Variants in SUSD6 observed in about 807,000 individuals in gnomAD.
SUSD6 encodes the protein sushi domain containing 6.
Under a neutral mutation model 28.4 loss-of-function variants are expected in SUSD6, and 16 were observed. The observed-to-expected ratio is 0.56, with a 90% CI of 0.38 to 0.86. The LOEUF (loss-of-function observed/expected upper bound fraction) is 0.86, where lower values mean the gene tolerates loss of function less well. SUSD6 is among the 40% of genes least tolerant of loss of function. SUSD6 has a pLI of 0.00. For missense variants in SUSD6, 341 were observed against 384.2 expected, an observed-to-expected ratio of 0.89 and a Z score of 0.94; for synonymous variants, 147 against 159.6, an observed-to-expected ratio of 0.92 and a Z score of 0.59.
At chr14:69,688,358 T>C (rs1203838924) in intron 2 of SUSD6, among the ~76,000 whole-genome samples, 8 of 152,232 alleles carry the variant, frequency 5.3e-5, no homozygotes, top group African/African-American at 2.4e-5. Flanking sequence ...TAGGCAGTTA[T>C]AGAGCATGAG....
At position 69,708,681 on chromosome 14, in the gene SUSD6, G is replaced by T; in HGVS notation, c.463G>T (p.Asp155Tyr). ...TCTTTTCCTCCTCCACTCCAGGCGT[G>T]ACCAGGGGGTATCTGGGGACCAGGT... Reference protein sequence around the residue: ...KLKSFHHSRRDQGVSGDQVSI... With the variant: ...KLKSFHHSRRYQGVSGDQVSI... The change falls in exon 5 of 6, where the codon GAC (aspartate) becomes TAC (tyrosine). Residue 155 changes from aspartate to tyrosine, a missense_variant. Coordinates refer to ENST00000342745, the MANE Select transcript of SUSD6 (RefSeq NM_014734.4). 1.3e-6 allele frequency: 2 copies of T among 1,570,064 alleles called. No homozygotes were observed. The highest frequency in any genetic ancestry group is 2.4e-5 in the South Asian group (2 of 84,876).
At chr14:69,689,119 A>G (rs1304109333) in intron 2 of SUSD6, among the ~76,000 whole-genome samples, 1 of 152,118 alleles carries the variant, frequency 6.6e-6, no homozygotes, top group African/African-American at 2.4e-5. Context: ...TCCCGTACTC[A>G]TGATCCTACT....
intron 1 of SUSD6, among the ~76,000 whole-genome samples, chr14:69,612,823 C>T (rs1206986013): frequency 6.6e-6 from 1 of 152,188 alleles, no homozygotes; most frequent in African/African-American, 2.4e-5. Context: ...GGATTTACTC[C>T]CTTTTTTGAT....
At chr14:69,639,333 A>AAAAAG (rs1885315054) in intron 1 of SUSD6, among the ~76,000 whole-genome samples, 1 of 151,276 alleles carries the variant, frequency 6.6e-6, no homozygotes, top group South Asian at 2.1e-4. Context: ...AAAAAAAAAA[A>AAAAAG]AAAAAAGAAA....
At chr14:69,690,806 C>T (rs146485709) in intron 2 of SUSD6, among the ~76,000 whole-genome samples, 2 of 152,280 alleles carry the variant, frequency 1.3e-5, no homozygotes, top group African/African-American at 4.8e-5. Context: ...TGGTAACTTC[C>T]GCTCCACCTG....
chr14:69,623,794 T>A (rs1885075941), intron 1 of SUSD6, among the ~76,000 whole-genome samples: 1 of 152,172 alleles, frequency 6.6e-6, no homozygotes, highest in African/African-American at 2.4e-5. Flanking sequence ...AAAGATTTTT[T>A]AAAATAGAAA....
intron 5 of SUSD6, among the ~76,000 whole-genome samples, chr14:69,709,963 G>A (rs1212948743): frequency 6.6e-6 from 1 of 152,158 alleles, no homozygotes. Flanking sequence ...GGGTATCCTG[G>A]GCATAGTAAA....
intron 2 of SUSD6, among the ~76,000 whole-genome samples, chr14:69,671,469 C>T (rs909862130): frequency 1.3e-5 from 2 of 152,200 alleles, no homozygotes; most frequent in East Asian, 3.9e-4. Flanking sequence ...TCAGTTCAGC[C>T]AACTCGTAGG....
chr14:69,690,589 G>T (rs78313665), intron 2 of SUSD6, among the ~76,000 whole-genome samples: 2,429 of 152,294 alleles, frequency 0.016, 26 homozygotes, highest in Middle Eastern at 0.037. Context: ...CTCCTAGGGG[G>T]ATTTGACTCC....
intron 1 of SUSD6, among the ~76,000 whole-genome samples, chr14:69,632,419 T>A (rs1368204655): frequency 2.0e-5 from 3 of 152,168 alleles, no homozygotes; most frequent in African/African-American, 7.2e-5. Flanking sequence ...AGGGGAAAAC[T>A]CATCGTGTAA....
intron 2 of SUSD6, among the ~76,000 whole-genome samples, chr14:69,690,631 C>T (rs541799507): frequency 1.1e-3 from 172 of 152,238 alleles, no homozygotes; most frequent in African/African-American, 3.9e-3. Context: ...TGAAAGTTCC[C>T]CTCTGGAGAA....
Position 69,711,034 on chromosome 14 carries a change from C to T in SUSD6, c.*55C>T. Reference sequence around the variant, plus strand: ...GGTTCTCTCAGCCCTTCCTCCCTCTCCCTGTGGGATTGAGCACCCTGTACT... The same window carrying T: ...GGTTCTCTCAGCCCTTCCTCCCTCTTCCTGTGGGATTGAGCACCCTGTACT... On this transcript the variant is annotated 3_prime_UTR_variant, in exon 6 of 6. Transcript: ENST00000342745. 1.3e-6 allele frequency: 2 copies of T among 1,574,764 alleles called. No individual in the cohort carries two copies. Among genetic ancestry groups the T allele is most frequent in the Non-Finnish European group, 1.7e-6 (2 of 1,144,302 alleles).
At chr14:69,666,336 T>G (rs1885741623) in intron 2 of SUSD6, among the ~76,000 whole-genome samples, 1 of 152,214 alleles carries the variant, frequency 6.6e-6, no homozygotes, top group African/African-American at 2.4e-5. Flanking sequence ...GAGGCTACCC[T>G]GTTGGTATTT....
chr14:69,658,763 A>G, intron 2 of SUSD6, 50 bp downstream of exon 2: 1 of 1,611,942 alleles, frequency 6.2e-7, no homozygotes, highest in Non-Finnish European at 8.5e-7. Flanking sequence ...ATTTAATACC[A>G]TTGTTTCTCT....
In SUSD6 at chr14:69,676,354, T is replaced by TCC. The variant is rs1885908831; in HGVS notation, c.121+17642_121+17643dup. ...AAACCAGTATCCTCTGGGGTGATGCTCCTCCAACTTTACTGTGCTTTTTCT... is the reference window on the plus strand; with the variant it reads ...AAACCAGTATCCTCTGGGGTGATGCTCCCCTCCAACTTTACTGTGCTTTTTCT... On this transcript the variant is annotated intron_variant, in intron 2 of 5. Transcript: ENST00000342745. 2.0e-5 allele frequency among the ~76,000 whole-genome samples: 3 copies of TCC among 151,686 alleles called. No homozygotes were observed. In the South Asian group the frequency reaches 6.2e-4, roughly 31 times the overall value.
intron 1 of SUSD6, among the ~76,000 whole-genome samples, chr14:69,641,789 G>GA (rs1291064036): frequency 2.0e-5 from 3 of 148,676 alleles, no homozygotes; most frequent in Non-Finnish European, 4.4e-5. Context: ...TTGTAGAGAG[G>GA]AGGGGGGGTC....
chr14:69,643,525 G>C (rs1885383467), intron 1 of SUSD6, among the ~76,000 whole-genome samples: 1 of 152,172 alleles, frequency 6.6e-6, no homozygotes, highest in Admixed American at 6.5e-5. Flanking sequence ...AATACACTTT[G>C]AGTCTTCTTC....
intron 2 of SUSD6, among the ~76,000 whole-genome samples, chr14:69,688,110 AAAG>A (rs759738746): frequency 1.3e-5 from 2 of 152,218 alleles, no homozygotes; most frequent in African/African-American, 2.4e-5. Context: ...CATTGGGCAG[AAAG>A]AAGAAGACTA....
At chr14:69,662,719 C>T (rs549909048) in intron 2 of SUSD6, among the ~76,000 whole-genome samples, 1 of 152,318 alleles carries the variant, frequency 6.6e-6, no homozygotes, top group East Asian at 1.9e-4. Flanking sequence ...TCTGTAGCAG[C>T]CTTTCTCAGG....
Sources: allele counts gnomAD v4.1 joint callset (sites outside exome capture counted in the v4.1 genomes callset), GRCh38; gene constraint gnomAD v4.1.1; transcripts MANE v1.5; gene names NCBI Gene and HGNC (gene_info 2026-07-23, HGNC 2026-07-21).